Variants in SEMA3E observed in about 807,000 individuals in gnomAD.
SEMA3E encodes the protein semaphorin 3E, also known as semaphorin-3E.
SEMA3E carries 49 observed loss-of-function variants against 93.6 expected under a neutral mutation model. That is an observed-to-expected ratio of 0.52 (90% CI 0.42 to 0.66). The LOEUF (loss-of-function observed/expected upper bound fraction) is 0.66. Among genes scored for constraint, SEMA3E ranks in the 30% least tolerant of loss-of-function variants. The probability of loss-of-function intolerance (pLI) is 0.00; values close to 1 mark genes in which losing one functional copy is unlikely to be tolerated. For synonymous variants in SEMA3E, 363 were observed against 330.7 expected (o/e 1.10, Z -1.06); for missense variants, 906 against 964.8 (o/e 0.94, Z 0.81).
At position 83,385,360 on chromosome 7, in the gene SEMA3E, G is replaced by T. The variant is rs746987765; in HGVS notation, c.1809C>A (p.Thr603=). 2 of 1,613,372 alleles carry T rather than the reference G, an allele frequency of 1.2e-6. No homozygotes were observed. The highest frequency in any genetic ancestry group is 3.3e-5 in the Admixed American group (2 of 59,950). ...TAACTTTCGCTTGTAAAGATCGTGGGGTACATTCCAGCAAAGTACTGTTGT... is the reference window on the plus strand; with the variant it reads ...TAACTTTCGCTTGTAAAGATCGTGGTGTACATTCCAGCAAAGTACTGTTGT... ...IENNSTLLEC[T]PRSLQAKVIW... is the part of the protein sequence containing the mutation. The change falls in exon 16 of 17, where the codon ACC becomes ACA. Residue 603 remains threonine (T), a synonymous_variant. Transcript: ENST00000643230.
intron 1 of SEMA3E, among the ~76,000 whole-genome samples, chr7:83,571,764 G>A (rs1792291816): frequency 6.6e-6 from 1 of 152,088 alleles, no homozygotes; most frequent in Admixed American, 6.5e-5. Flanking sequence ...CGTCCAAAGA[G>A]GAAAAGAAGA....
chr7:83,389,618 A>G (rs911504171), intron 14 of SEMA3E, among the ~76,000 whole-genome samples: 1 of 151,606 alleles, frequency 6.6e-6, no homozygotes, highest in African/African-American at 2.4e-5. Flanking sequence ...TATATATTAC[A>G]TGTATACATA....
At chr7:83,648,146 G>C (rs1001564398) in intron 1 of SEMA3E, among the ~76,000 whole-genome samples, 1 of 151,954 alleles carries the variant, frequency 6.6e-6, no homozygotes, top group Non-Finnish European at 1.5e-5. Context: ...TGTGTTCCGC[G>C]GGCTAGTGAG....
At chr7:83,578,763 G>T (rs1205164307) in intron 1 of SEMA3E, among the ~76,000 whole-genome samples, 4 of 152,076 alleles carry the variant, frequency 2.6e-5, no homozygotes, top group Non-Finnish European at 5.9e-5. Flanking sequence ...TAACTAAGAA[G>T]AGAAAACCAA....
At chr7:83,511,891 G>A (rs1474259475) in intron 1 of SEMA3E, among the ~76,000 whole-genome samples, 1 of 152,008 alleles carries the variant, frequency 6.6e-6, no homozygotes, top group Non-Finnish European at 1.5e-5. Flanking sequence ...GTGAAACTGC[G>A]TCTCAAAATA....
intron 1 of SEMA3E, among the ~76,000 whole-genome samples, chr7:83,636,298 C>T (rs1793880740): frequency 1.3e-5 from 2 of 152,044 alleles, no homozygotes; most frequent in Admixed American, 1.3e-4. Context: ...GCAAAAGGGG[C>T]AGAAGAGAAA....
chr7:83,434,293 T>G (rs74384233), intron 4 of SEMA3E, among the ~76,000 whole-genome samples: 5,515 of 152,256 alleles, frequency 0.036, 321 homozygotes, highest in African/African-American at 0.12. Context: ...TCAAAAATCT[T>G]TCTCTTACAA....
chr7:83,558,226 G>C (rs1382134437), intron 1 of SEMA3E, among the ~76,000 whole-genome samples: 1 of 152,116 alleles, frequency 6.6e-6, no homozygotes, highest in Non-Finnish European at 1.5e-5. Flanking sequence ...TAAAGACAAA[G>C]ATTGGAAGAA....
intron 4 of SEMA3E, among the ~76,000 whole-genome samples, chr7:83,457,412 C>T (rs1789508608): frequency 6.6e-6 from 1 of 152,146 alleles, no homozygotes; most frequent in Non-Finnish European, 1.5e-5. Flanking sequence ...TTACAAAAAC[C>T]TACCCTGCTT....
intron 3 of SEMA3E, among the ~76,000 whole-genome samples, chr7:83,468,023 T>A (rs1277603812): frequency 1.3e-5 from 2 of 152,222 alleles, no homozygotes; most frequent in Non-Finnish European, 2.9e-5. Context: ...CTAAACTCTT[T>A]TAGTGCCCAG....
intron 1 of SEMA3E, among the ~76,000 whole-genome samples, chr7:83,529,356 C>A (rs1343061977): frequency 2.0e-5 from 3 of 152,028 alleles, no homozygotes. Context: ...AAGACATTAA[C>A]CAAGGTATAG....
Position 83,480,063 on chromosome 7 carries a change from C to T in SEMA3E, c.276+10051G>A, listed in dbSNP as rs550629397. Among the ~76,000 whole-genome samples, 14 of 152,174 alleles carry T rather than the reference C, an allele frequency of 9.2e-5. No homozygotes were observed. The South Asian group carries it at 2.1e-3, about 23-fold the overall frequency. On this transcript the variant is annotated intron_variant, in intron 2 of 16. Transcript: ENST00000643230. ...TCAGGTGCAATGTGGAAAATCTTAC[C>T]ATGCATAATATTCAGAGGAATTTTA...
chr7:83,435,287 T>C (rs1412772896), intron 4 of SEMA3E, among the ~76,000 whole-genome samples: 2 of 152,134 alleles, frequency 1.3e-5, no homozygotes, highest in African/African-American at 4.8e-5. Context: ...TGTTGCTTAC[T>C]TAATAAAGAA....
intron 4 of SEMA3E, among the ~76,000 whole-genome samples, chr7:83,427,464 TGA>T (rs1286313298): frequency 6.6e-6 from 1 of 152,148 alleles, no homozygotes; most frequent in Non-Finnish European, 1.5e-5. Flanking sequence ...TTTATGCAAC[TGA>T]GATGTGGAAA....
chr7:83,579,456 A>G (rs2115899217), intron 1 of SEMA3E, among the ~76,000 whole-genome samples: 1 of 152,258 alleles, frequency 6.6e-6, no homozygotes, highest in Middle Eastern at 3.4e-3. Context: ...AGTAGAATTT[A>G]GGGTTGTATA....
intron 1 of SEMA3E, among the ~76,000 whole-genome samples, chr7:83,499,259 C>T (rs1790550061): frequency 6.6e-6 from 1 of 152,108 alleles, no homozygotes; most frequent in Admixed American, 6.5e-5. Context: ...AGTGGAATTA[C>T]CGGGTCAAAA....
At chr7:83,621,632 T>C (rs1420020882) in intron 1 of SEMA3E, among the ~76,000 whole-genome samples, 1 of 152,152 alleles carries the variant, frequency 6.6e-6, no homozygotes, top group African/African-American at 2.4e-5. Context: ...ATGGTACTGG[T>C]ACAAAAACAG....
intron 1 of SEMA3E, among the ~76,000 whole-genome samples, chr7:83,624,682 C>T (rs936350112): frequency 3.3e-5 from 5 of 152,140 alleles, no homozygotes; most frequent in African/African-American, 1.2e-4. Flanking sequence ...GTTGCCTGTT[C>T]ACTCTGATGA....
intron 4 of SEMA3E, among the ~76,000 whole-genome samples, chr7:83,458,218 ATATAAAGT>A (rs1452212529): frequency 6.6e-6 from 1 of 151,728 alleles, no homozygotes; most frequent in Non-Finnish European, 1.5e-5. Flanking sequence ...TAATTATGTG[ATATAAAGT>A]TATTCAATAT....
Sources: gnomAD v4.1 joint callset for allele counts (sites outside exome capture counted in the v4.1 genomes callset) on GRCh38, gnomAD v4.1.1 for gene constraint, MANE v1.5 for transcripts, NCBI Gene and HGNC (gene_info 2026-07-23, HGNC 2026-07-21) for gene names.